Variants in ECPAS observed in about 807,000 individuals in gnomAD.
ECPAS encodes proteasome adapter and scaffold protein ECM29.
ECPAS carries 70 observed loss-of-function variants against 255.1 expected under a neutral mutation model. That is an observed-to-expected ratio of 0.27 (90% CI 0.23 to 0.33). The LOEUF is 0.33. Among genes scored for constraint, ECPAS ranks in the 10% least tolerant of loss-of-function variants. The pLI is 1.00. For synonymous variants in ECPAS, 784 were observed against 775.0 expected (o/e 1.01, Z -0.19); for missense variants, 1,817 against 2,206.4 (o/e 0.82, Z 3.54).
At position 111,475,985 on chromosome 9, in the gene ECPAS, AGC is replaced by A. The variant is rs2098295776; in HGVS notation, c.-82-2987_-82-2986del. On this transcript the variant is annotated intron_variant, in intron 1 of 49. Coordinates refer to ENST00000684092, the MANE Select transcript of ECPAS (RefSeq NM_001364929.1). ...GGTCACAGAATCATGTTCAACACAC[AGC>A]TTCCCAAATCTCATCCTCTAAAAGA... 3.9e-5 allele frequency among the ~76,000 whole-genome samples: 6 copies of A among 152,304 alleles called. No individual in the cohort carries two copies. The South Asian group carries it at 1.2e-3, about 32-fold the overall frequency.
Position 111,374,031 on chromosome 9 carries a change from C to A in ECPAS, c.4118G>T (p.Cys1373Phe). 6.2e-7 allele frequency: 1 copy of A among 1,612,426 alleles called. No individual in the cohort carries two copies. Among genetic ancestry groups the A allele is most frequent in the Non-Finnish European group, 8.5e-7 (1 of 1,178,522 alleles). ...AGTTAATGACACAATGACACTGGCACAGCCACCCTACAGGGTTACAAAAGC... is the reference window on the plus strand; with the variant it reads ...AGTTAATGACACAATGACACTGGCAAAGCCACCCTACAGGGTTACAAAAGC... ...SGVGLGTKGG[C>F]ASVIVSLTTQ... The change falls in exon 39 of 50, where the codon TGT (cysteine) becomes TTT (phenylalanine). Residue 1373 changes from cysteine to phenylalanine, a missense_variant. By Grantham distance (205) the Cys-to-Phe change is radical (BLOSUM62 -2). Around this residue, in one of 4 missense-constraint regions of ECPAS, gnomAD observed 960 missense variants for 1,179.0 expected, o/e 0.81. Coordinates refer to ENST00000684092, the MANE Select transcript of ECPAS (RefSeq NM_001364929.1).
intron 2 of ECPAS, among the ~76,000 whole-genome samples, chr9:111,455,423 G>A (rs919361872): frequency 2.0e-5 from 3 of 152,326 alleles, no homozygotes; most frequent in Admixed American, 6.5e-5. Flanking sequence ...AGCGGAGCTC[G>A]CAGTGAGCAG....
chr9:111,468,705 T>TGTGTGTGTGTGTG (rs1554803199), intron 2 of ECPAS, among the ~76,000 whole-genome samples: 2 of 151,984 alleles, frequency 1.3e-5, no homozygotes, highest in African/African-American at 2.4e-5. Flanking sequence ...TGTGTGTGTG[T>TGTGTGTGTGTGTG]TTCACGTCCA....
intron 7 of ECPAS, among the ~76,000 whole-genome samples, chr9:111,434,220 A>T (rs761763550): frequency 2.0e-5 from 3 of 152,214 alleles, no homozygotes; most frequent in African/African-American, 4.8e-5. Context: ...CCTGCTCGAT[A>T]CAACTTACTT....
chr9:111,376,365 G>T, intron 37 of ECPAS, 111 bp downstream of exon 37: 2 of 817,790 alleles, frequency 2.4e-6, no homozygotes, highest in Non-Finnish European at 4.1e-6. Context: ...CACAACAGCT[G>T]CTTGACTCAT....
intron 1 of ECPAS, among the ~76,000 whole-genome samples, chr9:111,474,991 CATA>C (rs1236567882): frequency 6.6e-6 from 1 of 152,110 alleles, no homozygotes; most frequent in Non-Finnish European, 1.5e-5. Context: ...TTTTGTTTTG[CATA>C]ATATTTCCCT....
chr9:111,441,770 G>A (rs1297837501), intron 5 of ECPAS, among the ~76,000 whole-genome samples: 1 of 152,164 alleles, frequency 6.6e-6, no homozygotes, highest in Non-Finnish European at 1.5e-5. Context: ...AAGGTGAACT[G>A]AAAACATGAT....
intron 46 of ECPAS, 90 bp from the exon 47 acceptor site, chr9:111,366,717 A>G (rs2098120771): frequency 2.6e-6 from 2 of 782,910 alleles, no homozygotes; most frequent in Non-Finnish European, 4.5e-6. Context: ...AGAGAGCAAG[A>G]GAAAGGAAGA....
At chr9:111,470,667 C>T (rs1283015509) in intron 2 of ECPAS, among the ~76,000 whole-genome samples, 2 of 151,614 alleles carry the variant, frequency 1.3e-5, no homozygotes, top group Non-Finnish European at 2.9e-5. Context: ...TAGCCCAAAA[C>T]AAGGCTACCC....
chr9:111,484,068 C>G, intron 1 of ECPAS, 48 bp downstream of exon 1: 2 of 1,148,130 alleles, frequency 1.7e-6, no homozygotes, highest in Non-Finnish European at 1.1e-6. Context: ...AACCGCGCCG[C>G]CGCGCGCGCA....
chr9:111,412,921 G>A (rs552484791), intron 20 of ECPAS, among the ~76,000 whole-genome samples: 2 of 151,988 alleles, frequency 1.3e-5, no homozygotes, highest in Admixed American at 1.3e-4. Flanking sequence ...GTAGCACATG[G>A]AGATACAGAA....
intron 28 of ECPAS, among the ~76,000 whole-genome samples, 182 bp from the exon 29 acceptor site, chr9:111,392,006 C>T (rs1458018241): frequency 6.6e-6 from 1 of 152,092 alleles, no homozygotes; most frequent in Admixed American, 6.6e-5. Flanking sequence ...TTTGGGAGGC[C>T]GAGGTGGGTG....
intron 24 of ECPAS, among the ~76,000 whole-genome samples, chr9:111,407,403 GAAAAAAAAAAAAAAAA>G (rs1161790026): frequency 0.021 from 252 of 12,072 alleles, 11 homozygotes; most frequent in African/African-American, 0.062. Context: ...CTCCATCTCA[GAAAAAAAAAAAAAAAA>G]AAAAAAAAAA....
intron 2 of ECPAS, among the ~76,000 whole-genome samples, chr9:111,461,798 C>G (rs1416307942): frequency 6.6e-6 from 1 of 152,110 alleles, no homozygotes; most frequent in Non-Finnish European, 1.5e-5. Flanking sequence ...ACTACAGTTC[C>G]ATGTGGATAG....
At chr9:111,401,250 T>C (rs1182150424) in intron 24 of ECPAS, among the ~76,000 whole-genome samples, 2 of 152,122 alleles carry the variant, frequency 1.3e-5, no homozygotes, top group Non-Finnish European at 2.9e-5. Flanking sequence ...TAAGTGTCGG[T>C]TGGTCTGAGA....
intron 8 of ECPAS, among the ~76,000 whole-genome samples, chr9:111,431,472 C>G (rs1490543992): frequency 2.6e-5 from 4 of 151,176 alleles, no homozygotes; most frequent in Non-Finnish European, 2.9e-5. Flanking sequence ...GCACGAGAAT[C>G]ACTTGAATCC....
chr9:111,423,783 G>T (rs2098217670), intron 12 of ECPAS, among the ~76,000 whole-genome samples: 1 of 152,196 alleles, frequency 6.6e-6, no homozygotes, highest in Admixed American at 6.5e-5. Flanking sequence ...ATCACCAGGT[G>T]AATTAGTGAG....
intron 20 of ECPAS, among the ~76,000 whole-genome samples, chr9:111,412,675 C>A (rs73656247): frequency 0.058 from 8,884 of 152,168 alleles, 615 homozygotes; most frequent in African/African-American, 0.16. Flanking sequence ...TATAGCATGA[C>A]AACCTCTCAT....
At chr9:111,372,648 G>GATATTTATT in intron 41 of ECPAS, 28 bp from the exon 42 acceptor site, 1 of 1,545,926 alleles carries the variant, frequency 6.5e-7, no homozygotes, top group South Asian at 1.2e-5. Flanking sequence ...AAATCTTTAC[G>GATATTTATT]ATATTTATTG....
Sources: gnomAD v4.1 joint callset for allele counts (sites outside exome capture counted in the v4.1 genomes callset) on GRCh38, gnomAD v4.1.1 for gene constraint, gnomAD v4.1.1 regional missense constraint, MANE v1.5 for transcripts, NCBI Gene and HGNC (gene_info 2026-07-23, HGNC 2026-07-21) for gene names.